Variants in ALDH1L1 observed in about 807,000 individuals in gnomAD.
The protein encoded by ALDH1L1 is aldehyde dehydrogenase 1 family member L1.
Under a neutral mutation model 101.1 loss-of-function variants are expected in ALDH1L1, and 68 were observed. The ratio of observed to expected loss-of-function variants is 0.67; its 90% CI spans 0.55 to 0.82. The LOEUF is 0.82. ALDH1L1 is among the 40% of genes least tolerant of loss of function. The pLI, the probability that ALDH1L1 is intolerant of heterozygous loss-of-function variation, is 0.00. For missense variants in ALDH1L1, 1,087 were observed against 1,172.7 expected (o/e 0.93, Z 1.07); for synonymous variants, 486 against 470.8 (o/e 1.03, Z -0.42).
At chr3:126,130,945 C>T (rs1419030854) in intron 13 of ALDH1L1, among the ~76,000 whole-genome samples, 2 of 152,306 alleles carry the variant, frequency 1.3e-5, no homozygotes, top group African/African-American at 4.8e-5. Context: ...CTGCAGGAGC[C>T]CCCAGAAAAG....
chr3:126,172,466 G>A (rs537708904), intron 1 of ALDH1L1, among the ~76,000 whole-genome samples: 14 of 151,832 alleles, frequency 9.2e-5, no homozygotes, highest in Non-Finnish European at 1.9e-4. Context: ...CAATAGACTG[G>A]ATACAGTTGA....
At chr3:126,153,287 C>T (rs1351557118) in intron 7 of ALDH1L1, 157 bp downstream of exon 7, 9 of 1,144,372 alleles carry the variant, frequency 7.9e-6, no homozygotes, top group East Asian at 7.5e-5. Context: ...CAGGACCAGC[C>T]GGGTGGTCAG....
chr3:126,132,180 C>A (rs2080324115), intron 12 of ALDH1L1, among the ~76,000 whole-genome samples: 1 of 152,244 alleles, frequency 6.6e-6, no homozygotes, highest in South Asian at 2.1e-4. Flanking sequence ...CCCCTCTCAT[C>A]CCCTAGGGGG....
At chr3:126,137,708 C>T in intron 10 of ALDH1L1, 105 bp downstream of exon 10, 1 of 1,472,558 alleles carries the variant, frequency 6.8e-7, no homozygotes, top group East Asian at 2.4e-5. Flanking sequence ...CTCCTGGGGC[C>T]CTGGCTTTCT....
chr3:126,187,849 G>A (rs1409772141), intron 1 of ALDH1L1, among the ~76,000 whole-genome samples: 1 of 152,130 alleles, frequency 6.6e-6, no homozygotes, highest in Admixed American at 6.5e-5. Context: ...GAAGGTGGAG[G>A]TGAGGAGTCT....
In ALDH1L1 at chr3:126,112,957, G is replaced by A. The variant is rs572487345; in HGVS notation, c.2083-77C>T. The A allele has an allele frequency of 4.5e-4, 609 of 1,357,360 alleles. 11 individuals are homozygous for A. The South Asian group carries it at 6.0e-3, about 13-fold the overall frequency. The allele number at this position is 1,357,360 out of a possible 1,614,324, so 84.1% of individuals were successfully genotyped here. On this transcript the variant is annotated intron_variant, in intron 18 of 22. Transcript: ENST00000393434. ...CCCCCGGCTCTGCCAGGGCCCAGCC[G>A]CCTCTTCTAATTAGGAAAGGAGGCA...
rs139545472 is a variant in ALDH1L1, at chr3:126,112,794, G to A, written c.2169C>T (p.Phe723=). The change falls in exon 19 of 23, where the codon TTC becomes TTT. Residue 723 remains phenylalanine (F), a synonymous_variant. Coordinates refer to ENST00000393434, the MANE Select transcript of ALDH1L1 (RefSeq NM_012190.4). Reference sequence around the variant, plus strand: ...GGGCAGGACTTACCACTCTCCGCACGAACTCATCATGAATGGAGTCCTCCA... The same window carrying A: ...GGGCAGGACTTACCACTCTCCGCACAAACTCATCATGAATGGAGTCCTCCA... ...LFVEDSIHDE[F]VRRVVEEVRK... The A allele has an allele frequency of 8.7e-5, 140 of 1,613,098 alleles. No individual in the cohort carries two copies. The highest frequency in any genetic ancestry group is 8.0e-5 in the African/African-American group (6 of 74,884).
chr3:126,158,653 G>C lies in ALDH1L1; in HGVS notation c.128-14C>G. The C allele has an allele frequency of 6.9e-6, 11 of 1,604,652 alleles. No individual in the cohort carries two copies. The highest frequency in any genetic ancestry group is 8.5e-6 in the Non-Finnish European group (10 of 1,172,208). ...CAGCTTCCAGACCTGTGGGACGGTG[G>C]ATAAGAAACTGGCCCCTCTCCATAA... On this transcript the variant is annotated splice_polypyrimidine_tract_variant and intron_variant, in intron 2 of 22. Coordinates refer to ENST00000393434, the MANE Select transcript of ALDH1L1 (RefSeq NM_012190.4).
chr3:126,127,243 C>G (rs1233791152), intron 14 of ALDH1L1, among the ~76,000 whole-genome samples: 1 of 152,176 alleles, frequency 6.6e-6, no homozygotes, highest in Non-Finnish European at 1.5e-5. Context: ...GTCAAAGGAG[C>G]AGGGCTGCAG....
chr3:126,185,055 T>A (rs552614132), upstream of ALDH1L1, among the ~76,000 whole-genome samples: 4 of 152,236 alleles, frequency 2.6e-5, no homozygotes, highest in East Asian at 7.7e-4. Context: ...TATTTCCCCC[T>A]TTAAAGGGCC....
chr3:126,107,355 A>G (rs1372009593), intron 20 of ALDH1L1, 109 bp from the exon 21 acceptor site: 9 of 855,278 alleles, frequency 1.1e-5, no homozygotes, highest in Non-Finnish European at 1.7e-5. Context: ...ATGACCCGAC[A>G]TAAGCACCGG....
intron 14 of ALDH1L1, among the ~76,000 whole-genome samples, chr3:126,126,092 C>T (rs1057468003): frequency 3.9e-5 from 6 of 152,144 alleles, no homozygotes; most frequent in Non-Finnish European, 7.4e-5. Flanking sequence ...AGGGGTGGGT[C>T]AGGAGGGCCT....
chr3:126,122,884 T>C (rs1393959738), intron 16 of ALDH1L1, among the ~76,000 whole-genome samples: 1 of 152,026 alleles, frequency 6.6e-6, no homozygotes, highest in Non-Finnish European at 1.5e-5. Flanking sequence ...CAAAAGAAAG[T>C]AGTACAGCAG....
At chr3:126,134,282 C>G (rs1040501250) in intron 12 of ALDH1L1, among the ~76,000 whole-genome samples, 1 of 152,198 alleles carries the variant, frequency 6.6e-6, no homozygotes, top group Admixed American at 6.5e-5. Context: ...GGGTGCCCCC[C>G]TCACTGTCAT....
At chr3:126,197,604 T>G (rs1216163385) in intron 1 of ALDH1L1, 1 of 152,094 alleles carries the variant, frequency 6.6e-6, no homozygotes, top group South Asian at 2.1e-4. Flanking sequence ...CCAGCTTGGA[T>G]CAGAAATTTG....
chr3:126,114,923 C>T, intron 17 of ALDH1L1: 1 of 537,792 alleles, frequency 1.9e-6, no homozygotes, highest in Non-Finnish European at 3.6e-6. Context: ...TTCCTGCAGG[C>T]CTGTGTTCCC....
At chr3:126,197,932 A>G (rs757837119) in exon 1 of ALDH1L1, 1 of 126,714 alleles carries the variant, frequency 7.9e-6, no homozygotes, top group East Asian at 2.3e-4. Flanking sequence ...CGTGGACAGA[A>G]CAAATTTATA....
At chr3:126,140,788 T>C (rs2080551965) in intron 9 of ALDH1L1, among the ~76,000 whole-genome samples, 1 of 150,932 alleles carries the variant, frequency 6.6e-6, no homozygotes, top group African/African-American at 2.4e-5. Flanking sequence ...ACTAAAAACA[T>C]ACAGTAAAAG....
At chr3:126,138,267 C>T (rs148483727) in intron 9 of ALDH1L1, among the ~76,000 whole-genome samples, 35 of 152,072 alleles carry the variant, frequency 2.3e-4, no homozygotes, top group South Asian at 1.3e-3. Context: ...TGAGTAAATA[C>T]GACAACCCAT....
Sources: allele counts gnomAD v4.1 joint callset (sites outside exome capture counted in the v4.1 genomes callset), GRCh38; gene constraint gnomAD v4.1.1; transcripts MANE v1.5; gene names NCBI Gene and HGNC (gene_info 2026-07-23, HGNC 2026-07-21).